The following SHANK2 variants were observed in gnomAD, a reference collection of about 807,000 sequenced individuals.
SHANK2 encodes the protein SH3 and multiple ankyrin repeat domains 2.
In SHANK2, 43 loss-of-function variants were observed where a neutral mutation model predicts 133.7. The observed-to-expected ratio is 0.32, with a 90% confidence interval of 0.25 to 0.41. The LOEUF (loss-of-function observed/expected upper bound fraction) is 0.41. SHANK2 is among the 10% of genes least tolerant of loss of function. The pLI, the probability that SHANK2 is intolerant of heterozygous loss-of-function variation, is 1.00. For synonymous variants in SHANK2, 1,017 were observed against 952.8 expected (o/e 1.07, Z -1.24); for missense variants, 1,994 against 2,235.8 (o/e 0.89, Z 2.18).
intron 1 of SHANK2, among the ~76,000 whole-genome samples, chr11:71,234,070 G>A (rs564941906): frequency 1.3e-4 from 18 of 137,654 alleles, no homozygotes; most frequent in African/African-American, 3.6e-4. Flanking sequence ...AAATAGAGCC[G>A]GGAGTGGTGG....
At chr11:70,805,056 CTGAG>C (rs1948130411) in intron 13 of SHANK2, among the ~76,000 whole-genome samples, 1 of 152,198 alleles carries the variant, frequency 6.6e-6, no homozygotes, top group Admixed American at 6.5e-5. Flanking sequence ...GTCAGTATGC[CTGAG>C]TGAGTCCACA....
intron 17 of SHANK2, among the ~76,000 whole-genome samples, chr11:70,639,467 G>A (rs993665501): frequency 6.6e-6 from 1 of 152,098 alleles, no homozygotes; most frequent in African/African-American, 2.4e-5. Flanking sequence ...TCCTCCTCAT[G>A]AGGGACCCAC....
intron 2 of SHANK2, among the ~76,000 whole-genome samples, chr11:71,206,603 C>G (rs560545946): frequency 7.2e-5 from 11 of 152,246 alleles, no homozygotes; most frequent in African/African-American, 2.4e-4. Context: ...AAAAAACTAG[C>G]TTGCTACCTC....
At position 70,807,762 on chromosome 11, in the gene SHANK2, G is replaced by A. The variant is rs548014953; in HGVS notation, c.1494-591C>T. On this transcript the variant is annotated intron_variant, in intron 12 of 25. Transcript: ENST00000601538. This position sits in a 1 kb window ranked among gnomAD's most constrained non-coding sequence, Gnocchi z 4.8. ...GGAGAATTGCTTAAACCTGGGAGGCGGAGGTTGCGGTGAGCCAAGACTGCA... is the reference window on the plus strand; with the variant it reads ...GGAGAATTGCTTAAACCTGGGAGGCAGAGGTTGCGGTGAGCCAAGACTGCA... Among the ~76,000 whole-genome samples the A allele has an allele frequency of 4.6e-5, 7 of 152,092 alleles. No individual in the cohort carries two copies. Among genetic ancestry groups the A allele is most frequent in the Non-Finnish European group, 5.9e-5 (4 of 68,018 alleles).
Position 70,601,128 on chromosome 11 carries a change from G to T in SHANK2, c.2061+58700C>A, listed in dbSNP as rs116393208. On this transcript the variant is annotated intron_variant, in intron 17 of 25. Transcript: ENST00000601538. ...GCGCAGTGGTGTAATCTCAGCTCAC[G>T]GCAATCTCCACCTCCTGGGTTTAAG... Among the ~76,000 whole-genome samples the T allele has an allele frequency of 6.6e-3, 1,010 of 152,022 alleles. 16 individuals are homozygous for T. The highest frequency in any genetic ancestry group is 0.024 in the African/African-American group (982 of 41,430).
intron 3 of SHANK2, among the ~76,000 whole-genome samples, chr11:71,132,633 C>T (rs1390235239): frequency 1.3e-5 from 2 of 152,176 alleles, no homozygotes; most frequent in South Asian, 2.1e-4. Flanking sequence ...GAACCCAATA[C>T]GTAACAGAGG....
intron 10 of SHANK2, among the ~76,000 whole-genome samples, chr11:70,904,140 A>T (rs921726713): frequency 3.3e-5 from 5 of 152,120 alleles, no homozygotes; most frequent in Non-Finnish European, 7.4e-5. Flanking sequence ...CTGCCCCACA[A>T]ACTCAGAAAC....
In SHANK2 at chr11:71,061,631, C is replaced by A. The variant is rs1053161904; in HGVS notation, c.1030-5073G>T. ...GCAATGCCCTTTCCCTGGAAAGTAACCCCTGATCCCCAGGAGAGGGGCCCA... is the reference window on the plus strand; with the variant it reads ...GCAATGCCCTTTCCCTGGAAAGTAAACCCTGATCCCCAGGAGAGGGGCCCA... On this transcript the variant is annotated intron_variant, in intron 9 of 25. Transcript: ENST00000601538. Among the ~76,000 whole-genome samples, 4 of 152,148 alleles carry A rather than the reference C, an allele frequency of 2.6e-5. No individual in the cohort carries two copies. The South Asian group carries it at 6.2e-4, about 24-fold the overall frequency.
In SHANK2 at chr11:70,487,788, C is replaced by A; in HGVS notation, c.2573-68G>T. 1.3e-6 allele frequency: 2 copies of A among 1,549,430 alleles called. No individual in the cohort carries two copies. Among genetic ancestry groups the A allele is most frequent in the Non-Finnish European group, 1.7e-6 (2 of 1,146,908 alleles). On this transcript the variant is annotated intron_variant, in intron 24 of 25. Coordinates refer to ENST00000601538, the MANE Select transcript of SHANK2 (RefSeq NM_012309.5). This position sits in a 1 kb window ranked among gnomAD's most constrained non-coding sequence, Gnocchi z 5.8. The stretch of plus-strand genomic sequence containing the variant: ...CAAAGCCTAAGTTCCTAGGAACGTG[C>A]GATACGCTACATCTCCACAAACTCA...
chr11:70,693,315 G>A (rs1201667745), intron 15 of SHANK2, among the ~76,000 whole-genome samples: 1 of 152,176 alleles, frequency 6.6e-6, no homozygotes, highest in African/African-American at 2.4e-5. Flanking sequence ...TGAAGCACGA[G>A]GTCTTTCTCT....
intron 17 of SHANK2, among the ~76,000 whole-genome samples, chr11:70,531,967 G>A (rs781805288): frequency 6.6e-6 from 1 of 152,186 alleles, no homozygotes; most frequent in Non-Finnish European, 1.5e-5. Context: ...GGTGTGTAGT[G>A]ACAGTTCTGG....
At chr11:70,716,901 C>CT (rs1334370810) in intron 14 of SHANK2, among the ~76,000 whole-genome samples, 1 of 149,524 alleles carries the variant, frequency 6.7e-6, no homozygotes, top group African/African-American at 2.5e-5. Flanking sequence ...CGGAGCCCCC[C>CT]CCCCGCCCAA....
intron 17 of SHANK2, among the ~76,000 whole-genome samples, chr11:70,546,186 G>A (rs543391086): frequency 3.5e-5 from 5 of 144,746 alleles, no homozygotes; most frequent in East Asian, 2.0e-4. Flanking sequence ...GAATCCGCCC[G>A]CCTCGGCCTC....
intron 14 of SHANK2, among the ~76,000 whole-genome samples, chr11:70,700,837 G>T (rs1302860852): frequency 6.6e-6 from 1 of 152,232 alleles, no homozygotes; most frequent in Non-Finnish European, 1.5e-5. Context: ...CACGTGGGTA[G>T]CTGTGAGGTG....
chr11:70,527,242 C>A (rs549088745), intron 17 of SHANK2, among the ~76,000 whole-genome samples: 24 of 152,274 alleles, frequency 1.6e-4, no homozygotes, highest in African/African-American at 4.6e-4. Flanking sequence ...GTCCCCACCC[C>A]CAGGACTCCT....
At chr11:70,501,842 G>C in intron 20 of SHANK2, 81 bp downstream of exon 20, 6 of 1,448,832 alleles carry the variant, frequency 4.1e-6, no homozygotes, top group Non-Finnish European at 5.7e-6. Context: ...AGGCCTCCGA[G>C]GCCTGGGCTG....
chr11:70,506,343 G>C (rs1554968359), intron 17 of SHANK2, among the ~76,000 whole-genome samples: 1 of 152,112 alleles, frequency 6.6e-6, no homozygotes, highest in African/African-American at 2.4e-5. Context: ...TCCTAATCAG[G>C]GCTCCCCAGT....
intron 11 of SHANK2, among the ~76,000 whole-genome samples, chr11:70,886,993 C>T (rs1252532526): frequency 6.6e-6 from 1 of 152,104 alleles, no homozygotes; most frequent in Non-Finnish European, 1.5e-5. Flanking sequence ...AAGAACAACC[C>T]ATGTCATTTA....
intron 10 of SHANK2, among the ~76,000 whole-genome samples, chr11:70,934,815 C>T (rs1352022617): frequency 6.6e-6 from 1 of 152,182 alleles, no homozygotes; most frequent in Non-Finnish European, 1.5e-5. Context: ...TGTGGCCGTT[C>T]AAAGAGGAGG....
Sources: allele counts gnomAD v4.1 joint callset (sites outside exome capture counted in the v4.1 genomes callset), GRCh38; gene constraint gnomAD v4.1.1; non-coding constraint Gnocchi (gnomAD v3.1); transcripts MANE v1.5; gene names NCBI Gene and HGNC (gene_info 2026-07-23, HGNC 2026-07-21).